Variants in PIGG observed in about 807,000 individuals in gnomAD.
The protein encoded by PIGG is GPI ethanolamine phosphate transferase 2, catalytic subunit.
PIGG carries 70 observed loss-of-function variants against 83.2 expected under a neutral mutation model. The ratio of observed to expected loss-of-function variants is 0.84; its 90% CI spans 0.69 to 1.03. PIGG has a LOEUF of 1.03. PIGG is among the 50% of genes least tolerant of loss of function. The probability of loss-of-function intolerance (pLI) is 0.00; values close to 1 mark genes in which losing one functional copy is unlikely to be tolerated. For missense variants in PIGG, 1,257 were observed against 1,233.6 expected (o/e 1.02, Z -0.28); for synonymous variants, 532 against 519.5 (o/e 1.02, Z -0.33).
chr4:521,770 G>C lies in PIGG; in HGVS notation c.1443G>C (p.Leu481=). Residue 481 remains leucine (L), a synonymous_variant, in exon 8 of 13, where the codon CTG becomes CTC. Coordinates refer to ENST00000453061, the MANE Select transcript of PIGG (RefSeq NM_001127178.3). ...CTCTGCTCTTTTATTTGGTGATCCT[G>C]GTTCTTTCGGCCGTTCACGTCATTG... ...GFSLLFYLVI[L]VLSAVHVIVC... 6.2e-7 allele frequency: 1 copy of C among 1,614,182 alleles called. No homozygotes were observed. Among genetic ancestry groups the C allele is most frequent in the Middle Eastern group, 1.6e-4 (1 of 6,062 alleles).
chr4:512,509 A>T (rs1177326106), intron 5 of PIGG, among the ~76,000 whole-genome samples: 1 of 151,752 alleles, frequency 6.6e-6, no homozygotes, highest in Non-Finnish European at 1.5e-5. Context: ...CCAGAGTTTC[A>T]TTTGATGCTT....
intron 5 of PIGG, among the ~76,000 whole-genome samples, chr4:513,476 G>A (rs975945066): frequency 6.6e-6 from 1 of 152,198 alleles, no homozygotes; most frequent in Non-Finnish European, 1.5e-5. Flanking sequence ...CCACTCCAGA[G>A]TCAAGGGGTG....
At chr4:508,419 C>T (rs1452211541) in intron 4 of PIGG, among the ~76,000 whole-genome samples, 1 of 152,228 alleles carries the variant, frequency 6.6e-6, no homozygotes. Context: ...TGGGTGCCCC[C>T]ACATGGCTCA....
At chr4:536,012 C>A (rs1730500792) in intron 12 of PIGG, among the ~76,000 whole-genome samples, 1 of 152,220 alleles carries the variant, frequency 6.6e-6, no homozygotes, top group South Asian at 2.1e-4. Context: ...CCCAGGCACG[C>A]ACACCCGTGC....
In PIGG at chr4:523,777, G is replaced by T. The variant is rs142545574; in HGVS notation, c.1933G>T (p.Val645Leu). The stretch of plus-strand genomic sequence containing the variant: ...CCACGGAAGCCCCTCTACCTCCGAA[G>T]TGCTCAGAGGCCGCGAGAAGTGGAT... ...KGHGSPSTSE[V>L]LRGREKWMVL... The change falls in exon 9 of 13, where the codon GTG becomes TTG. Residue 645 changes from valine to leucine, a missense_variant. Physicochemically the swap from Val to Leu is conservative, Grantham distance 32. Transcript: ENST00000453061. The T allele has an allele frequency of 6.8e-6, 11 of 1,613,928 alleles. No homozygotes were observed. Among genetic ancestry groups the T allele is most frequent in the Non-Finnish European group, 8.5e-6 (10 of 1,180,038 alleles).
intron 11 of PIGG, chr4:532,912 A>G (rs4527430): frequency 1.6e-5 from 2 of 125,326 alleles, no homozygotes; most frequent in African/African-American, 7.0e-5. Flanking sequence ...GGGCCTAGGA[A>G]TGGAGAGGTG....
At chr4:499,730 G>C (rs1008404432) in intron 1 of PIGG, 4 of 1,372,688 alleles carry the variant, frequency 2.9e-6, no homozygotes, top group Non-Finnish European at 3.7e-6. Context: ...CACAAAGTAA[G>C]CTGTGTCCAT....
intron 3 of PIGG, among the ~76,000 whole-genome samples, chr4:506,201 A>G (rs1719623558): frequency 6.6e-6 from 1 of 152,106 alleles, no homozygotes; most frequent in African/African-American, 2.4e-5. Flanking sequence ...GAAGGGTGAC[A>G]CAGCCAAGGG....
At chr4:525,422 C>T (rs1727306120) in intron 9 of PIGG, 2 of 910,542 alleles carry the variant, frequency 2.2e-6, no homozygotes, top group Non-Finnish European at 2.6e-6. Flanking sequence ...GGTTGCGGTC[C>T]CGTCACTGCA....
chr4:499,802 C>T (rs1386394785), intron 1 of PIGG: 16 of 1,123,106 alleles, frequency 1.4e-5, no homozygotes, highest in Non-Finnish European at 1.7e-5. Flanking sequence ...CCTGAGCAGC[C>T]TTTGGGTCAC....
chr4:535,199 G>T (rs1291013201), intron 12 of PIGG, among the ~76,000 whole-genome samples: 2 of 152,202 alleles, frequency 1.3e-5, no homozygotes, highest in African/African-American at 2.4e-5. Flanking sequence ...AGACCCCAGG[G>T]CCTGCAAAGT....
In PIGG at chr4:516,089, GA is replaced by G. The variant is rs1209087083; in HGVS notation, c.1020del (p.Gly341GlufsTer4). The G allele has an allele frequency of 9.9e-6, 16 of 1,613,750 alleles. No homozygotes were observed. Among genetic ancestry groups the G allele is most frequent in the Non-Finnish European group, 1.4e-5 (16 of 1,179,810 alleles). On this transcript the variant is annotated frameshift_variant, in exon 6 of 13. Transcript: ENST00000453061. LOFTEE classifies it high-confidence loss of function. ...SVGSLLFPVVEGRPMREQLRF... is the reference protein window; with the variant it reads ...SVGSLLFPVVXGRPMREQLRF... The stretch of plus-strand genomic sequence containing the variant: ...AGGGAGCCTCCTATTCCCAGTTGTG[GA>G]AGGAAGACCAATGAGAGAGCAGTTG...
At chr4:530,991 A>G in intron 11 of PIGG, 1 of 501,950 alleles carries the variant, frequency 2.0e-6, no homozygotes, top group Non-Finnish European at 3.5e-6. Context: ...GCCTGGGTTT[A>G]TTTATTACAA....
At chr4:513,749 C>T (rs1006939003) in intron 5 of PIGG, among the ~76,000 whole-genome samples, 1 of 152,070 alleles carries the variant, frequency 6.6e-6, no homozygotes, top group Non-Finnish European at 1.5e-5. Context: ...CTTTCATGGC[C>T]CCTTATCGTC....
intron 5 of PIGG, among the ~76,000 whole-genome samples, chr4:510,045 C>G (rs528990610): frequency 2.6e-5 from 4 of 152,092 alleles, no homozygotes; most frequent in African/African-American, 7.2e-5. Flanking sequence ...GCTTCTTGGC[C>G]GAGACCAGCT....
intron 6 of PIGG, among the ~76,000 whole-genome samples, chr4:517,645 G>A (rs1490590489): frequency 2.0e-5 from 3 of 152,070 alleles, no homozygotes; most frequent in Admixed American, 1.3e-4. Flanking sequence ...GAGTGGCTTC[G>A]TCAGATGGAG....
intron 4 of PIGG, among the ~76,000 whole-genome samples, chr4:508,567 G>T (rs1173445513): frequency 1.3e-5 from 2 of 152,224 alleles, no homozygotes; most frequent in African/African-American, 4.8e-5. Context: ...ACAGAAACCA[G>T]ATACAAACCG....
intron 12 of PIGG, among the ~76,000 whole-genome samples, chr4:538,003 C>G (rs1295133436): frequency 6.6e-6 from 1 of 151,882 alleles, no homozygotes; most frequent in Non-Finnish European, 1.5e-5. Context: ...CCCAGACACA[C>G]ATACGTGCCG....
At chr4:503,063 C>A (rs1216775226) in intron 2 of PIGG, among the ~76,000 whole-genome samples, 2 of 152,052 alleles carry the variant, frequency 1.3e-5, no homozygotes, top group Non-Finnish European at 2.9e-5. Context: ...GCAAACAAAA[C>A]AACCCATATG....
Sources: allele counts gnomAD v4.1 joint callset (sites outside exome capture counted in the v4.1 genomes callset), GRCh38; gene constraint gnomAD v4.1.1; transcripts MANE v1.5; gene names NCBI Gene and HGNC (gene_info 2026-07-23, HGNC 2026-07-21).